The following WDR7 variants were observed in gnomAD, a reference collection of about 807,000 sequenced individuals.
The protein encoded by WDR7 is WD repeat-containing protein 7.
In WDR7, 46 loss-of-function variants were observed where a neutral mutation model predicts 169.4. The observed-to-expected ratio is 0.27, with a 90% CI of 0.21 to 0.35. The LOEUF (loss-of-function observed/expected upper bound fraction) is 0.35. Ranked by LOEUF, WDR7 falls within the 10% of genes least tolerant of loss-of-function variation. WDR7 has a pLI of 1.00. For missense variants in WDR7, 1,534 were observed against 1,859.3 expected (o/e 0.83, Z 3.22); for synonymous variants, 612 against 666.8 (o/e 0.92, Z 1.27).
At chr18:56,727,116 A>G (rs553071994) in intron 13 of WDR7, among the ~76,000 whole-genome samples, 12 of 152,336 alleles carry the variant, frequency 7.9e-5, no homozygotes, top group Admixed American at 2.0e-4. Context: ...TGTTCAGACA[A>G]TGGACATTAG....
intron 26 of WDR7, among the ~76,000 whole-genome samples, chr18:56,996,321 CT>C (rs1359545075): frequency 6.6e-6 from 1 of 151,978 alleles, no homozygotes; most frequent in Non-Finnish European, 1.5e-5. Context: ...AAAGCATGCT[CT>C]TTTGTGCATA....
rs117331905 is a variant in WDR7, at chr18:56,985,434, G to A, written c.4164+22905G>A. Among the ~76,000 whole-genome samples, 323 of 152,202 alleles carry A rather than the reference G, an allele frequency of 2.1e-3. 3 individuals are homozygous for A. In the East Asian group the frequency reaches 0.041, roughly 19 times the overall value. ...GATTATGCTATGATTTGTTACTGTG[G>A]TATATATTTGTTATAGTGAATGGGG... On this transcript the variant is annotated intron_variant, in intron 26 of 27. Transcript: ENST00000254442.
chr18:56,787,316 G>T (rs1036780267), intron 19 of WDR7, among the ~76,000 whole-genome samples: 1 of 152,148 alleles, frequency 6.6e-6, no homozygotes, highest in African/African-American at 2.4e-5. Context: ...TATTCTGCCT[G>T]CTCACAGGGG....
In WDR7 at chr18:57,020,811, A is replaced by G. The variant is rs1366244277; in HGVS notation, c.4231A>G (p.Thr1411Ala). The G allele has an allele frequency of 6.2e-6, 10 of 1,614,076 alleles. No homozygotes were observed. The highest frequency in any genetic ancestry group is 1.3e-5 in the African/African-American group (1 of 74,912). ...AFAPDGRYLATYSNTDSHISF... is the reference protein window; with the variant it reads ...AFAPDGRYLAAYSNTDSHISF... ...TGCTCCTGATGGAAGATATCTTGCC[A>G]CCTACTCAAACACTGACAGCCACAT... The change falls in exon 27 of 28, where the codon ACC becomes GCC. Residue 1411 changes from threonine to alanine, a missense_variant. Transcript: ENST00000254442.
chr18:56,890,998 G>A (rs1421451777), intron 21 of WDR7: 1 of 152,156 alleles, frequency 6.6e-6, no homozygotes, highest in African/African-American at 2.4e-5. Context: ...AGCCAGGGGT[G>A]GGATTCAGGC....
chr18:57,032,801 T>TTATTTATATA (rs1210749361), downstream of WDR7: 25 of 106,180 alleles, frequency 2.4e-4, no homozygotes, highest in African/African-American at 7.7e-4. Context: ...TATAATTATT[T>TTATTTATATA]TATATATATA....
chr18:56,757,058 A>T lies in WDR7; in HGVS notation c.2465A>T (p.Asp822Val). 6.2e-7 allele frequency: 1 copy of T among 1,614,110 alleles called. No individual in the cohort carries two copies. The highest frequency in any genetic ancestry group is 8.5e-7 in the Non-Finnish European group (1 of 1,180,004). The change falls in exon 15 of 28, where the codon GAT becomes GTT. Residue 822 changes from aspartate (D) to valine (V), a missense_variant. By Grantham distance (152) the Asp-to-Val change is radical (BLOSUM62 -3). Transcript: ENST00000254442. ...GAAGTACTGGATGAAGTTTGCCTGG[A>T]TCGCCTTGGAATGCTGAAACCCCAC... The part of the protein sequence containing the change: ...LNEVLDEVCL[D>V]RLGMLKPHCT...
In WDR7 at chr18:57,017,923, G is replaced by A. The variant is rs558567268; in HGVS notation, c.4165-2822G>A. 2.0e-5 allele frequency among the ~76,000 whole-genome samples: 3 copies of A among 152,254 alleles called. No individual in the cohort carries two copies. In the East Asian group the frequency reaches 5.8e-4, roughly 29 times the overall value. On this transcript the variant is annotated intron_variant, in intron 26 of 27. Coordinates refer to ENST00000254442, the MANE Select transcript of WDR7 (RefSeq NM_015285.3). ...GTGGATGTTTTAAATACTCGCCAGA[G>A]GAAGACAAAAAATGGAATATTTAGA...
chr18:56,678,958 T>TG (rs1353108400), intron 2 of WDR7, among the ~76,000 whole-genome samples: 13 of 152,200 alleles, frequency 8.5e-5, no homozygotes, highest in Non-Finnish European at 1.3e-4. Flanking sequence ...TTACTTGGAC[T>TG]GGGGGGTGGA....
rs555068035 is a variant in WDR7, at chr18:56,950,349, G to A, written c.4064+10956G>A. ...AATATAGCAACTGCTAAACTAGTACGTGTCAGTGCCCCTGCCTTGATTCGG... is the reference window on the plus strand; with the variant it reads ...AATATAGCAACTGCTAAACTAGTACATGTCAGTGCCCCTGCCTTGATTCGG... On this transcript the variant is annotated intron_variant, in intron 25 of 27. Transcript: ENST00000254442. Among the ~76,000 whole-genome samples, 7 of 152,278 alleles carry A rather than the reference G, an allele frequency of 4.6e-5. No individual in the cohort carries two copies. The East Asian group carries it at 9.7e-4, about 21-fold the overall frequency.
chr18:56,766,579 A>T (rs2044071177), intron 16 of WDR7, among the ~76,000 whole-genome samples: 1 of 152,042 alleles, frequency 6.6e-6, no homozygotes, highest in African/African-American at 2.4e-5. Flanking sequence ...TTATAGAGAC[A>T]GTGTCTCGCT....
intron 21 of WDR7, among the ~76,000 whole-genome samples, chr18:56,916,014 GT>G (rs1431026307): frequency 6.6e-6 from 1 of 152,176 alleles, no homozygotes; most frequent in Non-Finnish European, 1.5e-5. Context: ...TGTACTGGCG[GT>G]TTATGGGGGC....
intron 9 of WDR7, among the ~76,000 whole-genome samples, chr18:56,693,172 C>T (rs889513579): frequency 6.6e-6 from 1 of 152,162 alleles, no homozygotes; most frequent in Non-Finnish European, 1.5e-5. Context: ...TTTGATTAAC[C>T]AGTATTTGAA....
At chr18:56,668,543 G>T (rs9966883) in intron 1 of WDR7, among the ~76,000 whole-genome samples, 2,176 of 152,202 alleles carry the variant, frequency 0.014, 43 homozygotes, top group African/African-American at 0.048. Flanking sequence ...ATTTATTATT[G>T]TAATACTTAT....
At chr18:56,861,636 A>G (rs942764943) in intron 20 of WDR7, among the ~76,000 whole-genome samples, 5 of 151,914 alleles carry the variant, frequency 3.3e-5, no homozygotes, top group African/African-American at 1.2e-4. Flanking sequence ...TCTTTAATAT[A>G]GTATTGGCCT....
At chr18:56,863,900 A>G (rs920991794) in intron 20 of WDR7, among the ~76,000 whole-genome samples, 2 of 151,832 alleles carry the variant, frequency 1.3e-5, no homozygotes, top group African/African-American at 2.4e-5. Flanking sequence ...CTCGAAATGT[A>G]TTGAAAGAGT....
At chr18:56,807,145 G>C (rs1193410285) in intron 19 of WDR7, among the ~76,000 whole-genome samples, 1 of 92,034 alleles carries the variant, frequency 1.1e-5, no homozygotes, top group Non-Finnish European at 2.1e-5. Context: ...GGTGATCCTA[G>C]CCAAAAAAAA....
intron 1 of WDR7, among the ~76,000 whole-genome samples, chr18:56,669,705 T>C (rs939376578): frequency 4.6e-5 from 7 of 152,142 alleles, no homozygotes; most frequent in African/African-American, 1.7e-4. Flanking sequence ...TGAGAGTTTC[T>C]ATTAAAGTTA....
At chr18:57,032,543 A>T (rs984890278), downstream of WDR7, 5 of 152,156 alleles carry the variant, frequency 3.3e-5, no homozygotes, top group African/African-American at 1.2e-4. Flanking sequence ...ATCTGTATTT[A>T]CAGAGGTCCC....
Sources: gnomAD v4.1 joint callset for allele counts (sites outside exome capture counted in the v4.1 genomes callset) on GRCh38, gnomAD v4.1.1 for gene constraint, MANE v1.5 for transcripts, NCBI Gene and HGNC (gene_info 2026-07-23, HGNC 2026-07-21) for gene names.